Variants in PIK3CG observed in about 807,000 individuals in gnomAD.
PIK3CG encodes the protein phosphatidylinositol 4,5-bisphosphate 3-kinase catalytic subunit gamma isoform.
PIK3CG carries 55 observed loss-of-function variants against 102.3 expected under a neutral mutation model. The observed-to-expected ratio is 0.54, with a 90% CI of 0.43 to 0.67. The LOEUF is 0.67. Ranked by LOEUF, PIK3CG falls within the 30% of genes least tolerant of loss-of-function variation. The pLI is 0.00. For synonymous variants in PIK3CG, 552 were observed against 540.0 expected, an observed-to-expected ratio of 1.02 and a Z score of -0.31; for missense variants, 1,258 against 1,391.8, an observed-to-expected ratio of 0.90 and a Z score of 1.53.
At position 106,868,713 on chromosome 7, in the gene PIK3CG, G is replaced by A. The variant is rs1346597375; in HGVS notation, c.1152G>A (p.Glu384=). 6.2e-7 allele frequency: 1 copy of A among 1,614,198 alleles called. No individual in the cohort carries two copies. The part of the protein sequence containing the change: ...PRNTDLTVFV[E]ANIQHGQQVL... ...ACACCGACCTCACAGTTTTTGTAGAGGCAAACATCCAGCATGGGCAACAAG... is the reference window on the plus strand; with the variant it reads ...ACACCGACCTCACAGTTTTTGTAGAAGCAAACATCCAGCATGGGCAACAAG... Residue 384 remains glutamate (E), a synonymous_variant, in exon 2 of 11, where the codon GAG becomes GAA. Transcript: ENST00000496166. This position sits in a 1 kb window ranked among gnomAD's most constrained non-coding sequence, Gnocchi z 6.2.
Position 106,872,237 on chromosome 7 carries a change from A to G in PIK3CG, c.1996-300A>G, listed in dbSNP as rs1790556583. 6.6e-6 allele frequency among the ~76,000 whole-genome samples: 1 copy of G among 152,196 alleles called. No homozygotes were observed. ...CCAACAAAACCAGTAAGACCTAATT[A>G]GAGCAAATTCCCTCACCTCTTCACC... is the stretch of plus-strand genomic sequence containing the variant. On this transcript the variant is annotated intron_variant, in intron 2 of 10. Coordinates refer to ENST00000496166, the MANE Select transcript of PIK3CG (RefSeq NM_001282426.2). The surrounding 1 kb of genome is among the most constrained non-coding windows in gnomAD (Gnocchi z 5.3).
Position 106,880,447 on chromosome 7 carries a change from CTTT to C in PIK3CG, c.2538+783_2538+785del, listed in dbSNP as rs1562960191. Among the ~76,000 whole-genome samples, 1 of 151,900 alleles carries C rather than the reference CTTT, an allele frequency of 6.6e-6. No homozygotes were observed. The highest frequency in any genetic ancestry group is 2.4e-5 in the African/African-American group (1 of 41,346). On this transcript the variant is annotated intron_variant, in intron 6 of 10. Coordinates refer to ENST00000496166, the MANE Select transcript of PIK3CG (RefSeq NM_001282426.2). The surrounding 1 kb of genome is among the most constrained non-coding windows in gnomAD (Gnocchi z 4.2). Reference sequence around the variant, plus strand: ...CAGGAATACCTTTGCTTTGCCTTTGCTTTGCCTTTGCTTTGCTTTCAAGAATGA... The same window carrying C: ...CAGGAATACCTTTGCTTTGCCTTTGCGCCTTTGCTTTGCTTTCAAGAATGA...
Position 106,884,210 on chromosome 7 carries a change from C to A in PIK3CG, c.2816C>A (p.Thr939Asn), listed in dbSNP as rs1383713480. The change falls in exon 9 of 11, where the codon ACC becomes AAC. Residue 939 changes from threonine to asparagine, a missense_variant. Thr to Asn is a moderately conservative substitution (Grantham distance 65, BLOSUM62 0). Transcript: ENST00000496166. This position sits in a 1 kb window ranked among gnomAD's most constrained non-coding sequence, Gnocchi z 4.2. ...TCCTGTGCAGGCTACTGTGTGGCAA[C>A]CTTTGTTCTTGGAATAGGCGACAGA... ...VYSCAGYCVA[T>N]FVLGIGDRHN... is the part of the protein sequence containing the mutation. 1 of 1,613,874 alleles carries A rather than the reference C, an allele frequency of 6.2e-7. No individual in the cohort carries two copies. Among genetic ancestry groups the A allele is most frequent in the East Asian group, 2.2e-5 (1 of 44,870 alleles).
Position 106,869,309 on chromosome 7 carries a change from T to G in PIK3CG, c.1748T>G (p.Leu583Arg). 1 of 1,614,246 alleles carries G rather than the reference T, an allele frequency of 6.2e-7. No individual in the cohort carries two copies. Among genetic ancestry groups the G allele is most frequent in the Non-Finnish European group, 8.5e-7 (1 of 1,180,040 alleles). ...ELLWHFRYES[L>R]KHPKAYPKLF... ...CTCTGGCATTTTAGATACGAAAGCCTTAAGCACCCAAAAGCATATCCTAAG... is the reference window on the plus strand; with the variant it reads ...CTCTGGCATTTTAGATACGAAAGCCGTAAGCACCCAAAAGCATATCCTAAG... The change falls in exon 2 of 11, where the codon CTT (leucine) becomes CGT (arginine). Residue 583 changes from leucine (L) to arginine (R), a missense_variant. By Grantham distance (102) the Leu-to-Arg change is moderately radical. Around this residue, in one of 2 missense-constraint regions of PIK3CG, gnomAD observed 832 missense variants for 787.5 expected, o/e 1.06. Coordinates refer to ENST00000496166, the MANE Select transcript of PIK3CG (RefSeq NM_001282426.2). This position sits in a 1 kb window ranked among gnomAD's most constrained non-coding sequence, Gnocchi z 5.3.
intron 9 of PIK3CG, among the ~76,000 whole-genome samples, 177 bp from the exon 10 acceptor site, chr7:106,885,958 A>C (rs1268052847): frequency 6.6e-6 from 1 of 152,216 alleles, no homozygotes; most frequent in African/African-American, 2.4e-5. Context: ...GGTTCAAAGA[A>C]TGTTTTGTGG....
chr7:106,890,146 G>A lies in PIK3CG; in HGVS notation c.3030+3854G>A, dbSNP rs543940077. 2.0e-5 allele frequency among the ~76,000 whole-genome samples: 3 copies of A among 152,294 alleles called. No homozygotes were observed. The highest frequency in any genetic ancestry group is 4.2e-4 in the South Asian group (2 of 4,818). ...TTGGCAAATGAAATTTGGCTTCTAA[G>A]TTTTTTAAATGTCAGAATGTGTTTT... On this transcript the variant is annotated intron_variant, in intron 10 of 10. Transcript: ENST00000496166. This position sits in a 1 kb window ranked among gnomAD's most constrained non-coding sequence, Gnocchi z 4.2.
intron 6 of PIK3CG, among the ~76,000 whole-genome samples, chr7:106,881,701 T>A (rs1346172258): frequency 6.6e-6 from 1 of 151,944 alleles, no homozygotes; most frequent in East Asian, 1.9e-4. Flanking sequence ...ACAAAAAAAA[T>A]TAGCCGGGCA....
Position 106,867,811 on chromosome 7 carries a change from G to T in PIK3CG, c.250G>T (p.Ala84Ser). ...VWLRALETSV[A>S]ADFYHRLGPH... ...GCTGCGAGCGCTGGAGACCAGCGTG[G>T]CGGCGGACTTCTACCACCGGCTGGG... The change falls in exon 2 of 11, where the codon GCG (alanine) becomes TCG (serine). Residue 84 changes from alanine (A) to serine (S), a missense_variant. Transcript: ENST00000496166. The surrounding 1 kb of genome is among the most constrained non-coding windows in gnomAD (Gnocchi z 5.1). 6.2e-7 allele frequency: 1 copy of T among 1,612,484 alleles called. No individual in the cohort carries two copies.
intron 10 of PIK3CG, among the ~76,000 whole-genome samples, chr7:106,887,225 G>C (rs1401999606): frequency 6.6e-6 from 1 of 152,174 alleles, no homozygotes; most frequent in African/African-American, 2.4e-5. Context: ...ATTCATAACA[G>C]TTGTAACTAC....
rs752355881 is a variant in PIK3CG, at chr7:106,879,473, T to C, written c.2392-46T>C. The C allele has an allele frequency of 1.4e-5, 21 of 1,491,418 alleles. No homozygotes were observed. In the East Asian group the frequency reaches 4.1e-4, roughly 29 times the overall value. The allele number at this position is 1,491,418 out of a possible 1,614,324, so 92.4% of individuals were successfully genotyped here. ...AGAATTTGTGTCTCCACCATGTATA[T>C]TCGTTATTCATTGTGTGTGGGGAAT... is the stretch of plus-strand genomic sequence containing the variant. On this transcript the variant is annotated intron_variant, in intron 5 of 10. Coordinates refer to ENST00000496166, the MANE Select transcript of PIK3CG (RefSeq NM_001282426.2). This position sits in a 1 kb window ranked among gnomAD's most constrained non-coding sequence, Gnocchi z 4.9.
At position 106,867,289 on chromosome 7, in the gene PIK3CG, C is replaced by G. The variant is rs1790318266; in HGVS notation, c.-12-261C>G. Among the ~76,000 whole-genome samples, 1 of 152,118 alleles carries G rather than the reference C, an allele frequency of 6.6e-6. No individual in the cohort carries two copies. Among genetic ancestry groups the G allele is most frequent in the Admixed American group, 6.5e-5 (1 of 15,276 alleles). Reference sequence around the variant, plus strand: ...CTCCCTCTGGGGCATTCATTACTAACCAGTTTGAGAGATGAGAAACAGGCT... The same window carrying G: ...CTCCCTCTGGGGCATTCATTACTAAGCAGTTTGAGAGATGAGAAACAGGCT... On this transcript the variant is annotated intron_variant, in intron 1 of 10. Transcript: ENST00000496166. The surrounding 1 kb of genome is among the most constrained non-coding windows in gnomAD (Gnocchi z 5.1).
rs541253769 is a variant in PIK3CG at position 106,867,410 on chromosome 7, C to T, written c.-12-140C>T. 105 of 740,342 alleles carry T rather than the reference C, an allele frequency of 1.4e-4. No homozygotes were observed. Among genetic ancestry groups the T allele is most frequent in the Middle Eastern group, 8.0e-4 (2 of 2,502 alleles). The allele number at this position is 740,342 out of a possible 1,614,324, so 45.9% of individuals were successfully genotyped here. ...GCCCACGCTCTGAAGGGCTGTAGTG[C>T]TTCCAGTTTAAAATACTTGGTCCCT... On this transcript the variant is annotated intron_variant, in intron 1 of 10. Coordinates refer to ENST00000496166, the MANE Select transcript of PIK3CG (RefSeq NM_001282426.2). The surrounding 1 kb of genome is among the most constrained non-coding windows in gnomAD (Gnocchi z 5.1).
At chr7:106,870,398 C>G (rs1020910921) in intron 2 of PIK3CG, among the ~76,000 whole-genome samples, 1 of 152,136 alleles carries the variant, frequency 6.6e-6, no homozygotes, top group African/African-American at 2.4e-5. Flanking sequence ...TTATATTGTA[C>G]TGCTTGACAA....
rs1007745389 is a variant in PIK3CG, at chr7:106,891,390, A to C, written c.3030+5098A>C. On this transcript the variant is annotated intron_variant, in intron 10 of 10. Coordinates refer to ENST00000496166, the MANE Select transcript of PIK3CG (RefSeq NM_001282426.2). The surrounding 1 kb of genome is among the most constrained non-coding windows in gnomAD (Gnocchi z 4.4). Reference sequence around the variant, plus strand: ...ACTGTGAAATCTAATGTTTCATTAAATAATACAAATATGTGAGTGTAATAT... The same window carrying C: ...ACTGTGAAATCTAATGTTTCATTAACTAATACAAATATGTGAGTGTAATAT... 1.3e-5 allele frequency among the ~76,000 whole-genome samples: 2 copies of C among 152,244 alleles called. No individual in the cohort carries two copies. Among genetic ancestry groups the C allele is most frequent in the Non-Finnish European group, 2.9e-5 (2 of 68,044 alleles).
chr7:106,896,815 C>T (rs955503347), intron 10 of PIK3CG, among the ~76,000 whole-genome samples: 2 of 152,118 alleles, frequency 1.3e-5, no homozygotes, highest in Non-Finnish European at 2.9e-5. Context: ...TTAGAAAATG[C>T]CAGAATATTC....
rs566387513 is a variant in PIK3CG, at chr7:106,894,766, T to C, written c.3030+8474T>C. On this transcript the variant is annotated intron_variant, in intron 10 of 10. Coordinates refer to ENST00000496166, the MANE Select transcript of PIK3CG (RefSeq NM_001282426.2). This position sits in a 1 kb window ranked among gnomAD's most constrained non-coding sequence, Gnocchi z 4.4. The stretch of plus-strand genomic sequence containing the variant: ...TAGATGAAAATGGAGGATTTTGATG[T>C]TAAGTATTTCATGTGACCTCAGACA... Among the ~76,000 whole-genome samples, 1 of 152,234 alleles carries C rather than the reference T, an allele frequency of 6.6e-6. No homozygotes were observed. The highest frequency in any genetic ancestry group is 1.9e-4 in the East Asian group (1 of 5,200).
chr7:106,876,912 T>C (rs1348057865), intron 5 of PIK3CG, among the ~76,000 whole-genome samples: 1 of 152,112 alleles, frequency 6.6e-6, no homozygotes, highest in Non-Finnish European at 1.5e-5. Context: ...AAGAAATCTG[T>C]CTAGGACTAG....
rs186427730 is a variant in PIK3CG, at chr7:106,893,908, A to G, written c.3030+7616A>G. Among the ~76,000 whole-genome samples, 252 of 152,336 alleles carry G rather than the reference A, an allele frequency of 1.7e-3. 1 individual carries two copies. The highest frequency in any genetic ancestry group is 6.8e-3 in the Middle Eastern group (2 of 294). ...CTCCCAGGCTCCAAACCTGTACAGC[A>G]TGTTACTTACTGAATACTGTAGGCA... On this transcript the variant is annotated intron_variant, in intron 10 of 10. Transcript: ENST00000496166. This position sits in a 1 kb window ranked among gnomAD's most constrained non-coding sequence, Gnocchi z 4.4.
At position 106,899,280 on chromosome 7, in the gene PIK3CG, T is replaced by C. The variant is rs1033670553; in HGVS notation, c.3031-5829T>C. 6.6e-6 allele frequency among the ~76,000 whole-genome samples: 1 copy of C among 152,226 alleles called. No individual in the cohort carries two copies. Among genetic ancestry groups the C allele is most frequent in the African/African-American group, 2.4e-5 (1 of 41,460 alleles). On this transcript the variant is annotated intron_variant, in intron 10 of 10. Coordinates refer to ENST00000496166, the MANE Select transcript of PIK3CG (RefSeq NM_001282426.2). The surrounding 1 kb of genome is among the most constrained non-coding windows in gnomAD (Gnocchi z 4.6). ...CTTTTAGGCAGAGACTATGGGGTTT[T>C]CTAGATATAAAATCATGTCATCTGC...
Sources: allele counts gnomAD v4.1 joint callset (sites outside exome capture counted in the v4.1 genomes callset), GRCh38; gene constraint gnomAD v4.1.1; regional missense constraint gnomAD v4.1.1; non-coding constraint Gnocchi (gnomAD v3.1); transcripts MANE v1.5; gene names NCBI Gene and HGNC (gene_info 2026-07-23, HGNC 2026-07-21).